The following DCLK2 variants were observed in gnomAD, a reference collection of about 807,000 sequenced individuals.
DCLK2 encodes serine/threonine-protein kinase DCLK2.
Under a neutral mutation model 78.4 loss-of-function variants are expected in DCLK2, and 31 were observed. The observed-to-expected ratio is 0.40, with a 90% CI of 0.30 to 0.53. The LOEUF (loss-of-function observed/expected upper bound fraction) is 0.53, where lower values mean the gene tolerates loss of function less well. Ranked by LOEUF, DCLK2 falls within the 20% of genes least tolerant of loss-of-function variation. The probability of loss-of-function intolerance (pLI) is 0.61; values close to 1 mark genes in which losing one functional copy is unlikely to be tolerated. For missense variants in DCLK2, 872 were observed against 973.7 expected (o/e 0.90, Z 1.39); for synonymous variants, 407 against 374.9 (o/e 1.09, Z -0.99).
chr4:150,098,390 C>T (rs1730616154), intron 1 of DCLK2, among the ~76,000 whole-genome samples: 1 of 152,198 alleles, frequency 6.6e-6, no homozygotes, highest in African/African-American at 2.4e-5. Flanking sequence ...TGGCTTGACT[C>T]TGAGTGACAG....
In DCLK2 at chr4:150,088,869, C is replaced by T. The variant is rs145917617; in HGVS notation, c.421+9421C>T. Among the ~76,000 whole-genome samples the T allele has an allele frequency of 2.0e-4, 31 of 152,288 alleles. 1 individual carries two copies. In the East Asian group the frequency reaches 6.0e-3, roughly 29 times the overall value. The stretch of plus-strand genomic sequence containing the variant: ...ATTTTCTGTGCATGCCCAGTTCCCC[C>T]ACGAAAGCACACTCACAAGGAGTAA... On this transcript the variant is annotated intron_variant, in intron 1 of 15. Transcript: ENST00000296550.
chr4:150,237,582 C>T (rs923931435), intron 10 of DCLK2, among the ~76,000 whole-genome samples: 1 of 152,154 alleles, frequency 6.6e-6, no homozygotes, highest in African/African-American at 2.4e-5. Context: ...TATTTCAGTG[C>T]CGTCCTCTTT....
intron 8 of DCLK2, among the ~76,000 whole-genome samples, chr4:150,228,423 G>GTGAT (rs1277836151): frequency 6.6e-6 from 1 of 152,208 alleles, no homozygotes; most frequent in Non-Finnish European, 1.5e-5. Context: ...AGCACAGTGC[G>GTGAT]TGATGTGTCT....
chr4:150,208,118 C>T (rs28713632), intron 5 of DCLK2, among the ~76,000 whole-genome samples: 15,789 of 152,166 alleles, frequency 0.1, 1,407 homozygotes, highest in South Asian at 0.47. Flanking sequence ...TTTCCCTGAA[C>T]TGACTTAACA....
At chr4:150,171,346 T>C (rs997284821) in intron 2 of DCLK2, among the ~76,000 whole-genome samples, 1 of 152,124 alleles carries the variant, frequency 6.6e-6, no homozygotes, top group South Asian at 2.1e-4. Context: ...CTGGGCGTGG[T>C]AGTGGAAACC....
chr4:150,079,592 T>G (rs1729092351), intron 1 of DCLK2, 144 bp downstream of exon 1: 6 of 808,652 alleles, frequency 7.4e-6, no homozygotes, highest in Non-Finnish European at 9.1e-6. Context: ...AGAGATTGGC[T>G]GGGGGTGGGG....
chr4:150,198,352 G>T (rs985484222), intron 4 of DCLK2, among the ~76,000 whole-genome samples: 1 of 152,148 alleles, frequency 6.6e-6, no homozygotes, highest in African/African-American at 2.4e-5. Flanking sequence ...TCTAGATTCT[G>T]CTGGTATTTA....
intron 1 of DCLK2, among the ~76,000 whole-genome samples, chr4:150,096,597 A>G (rs1730479996): frequency 6.6e-6 from 1 of 152,160 alleles, no homozygotes; most frequent in African/African-American, 2.4e-5. Context: ...TGTGAGGTAA[A>G]GGTAAGGGAG....
rs753258438 is a variant in DCLK2 at position 150,256,191 on chromosome 4, C to T, written c.2245C>T (p.Pro749Ser). ...TCCGGAATCTCCCACCCCCCACCCT[C>T]CTCCCGCTGCCCCGGGTGGTGAGCG... ...TPPESPTPHP[P>S]PAAPGGERAG... Residue 749 changes from proline (P) to serine (S), a missense_variant, in exon 16 of 16, where the codon CCT becomes TCT. Pro to Ser is a moderately conservative substitution (Grantham distance 74). Coordinates refer to ENST00000296550, the MANE Select transcript of DCLK2 (RefSeq NM_001040260.4). 6.5e-7 allele frequency: 1 copy of T among 1,539,026 alleles called. No individual in the cohort carries two copies. The highest frequency in any genetic ancestry group is 8.7e-7 in the Non-Finnish European group (1 of 1,143,670).
At chr4:150,107,685 G>A (rs891866982) in intron 2 of DCLK2, among the ~76,000 whole-genome samples, 1 of 152,100 alleles carries the variant, frequency 6.6e-6, no homozygotes. Flanking sequence ...CCAGTTTGTT[G>A]TCTTTATTGT....
chr4:150,236,185 C>T (rs924906895), intron 10 of DCLK2, among the ~76,000 whole-genome samples: 1 of 152,214 alleles, frequency 6.6e-6, no homozygotes, highest in African/African-American at 2.4e-5. Flanking sequence ...ACAGAAGCAT[C>T]TCACAGCTTG....
chr4:150,210,293 C>T (rs529126020), intron 5 of DCLK2, among the ~76,000 whole-genome samples: 22 of 152,254 alleles, frequency 1.4e-4, no homozygotes, highest in African/African-American at 4.8e-4. Flanking sequence ...CTTGGCATTT[C>T]CAGGTTCCAT....
intron 2 of DCLK2, among the ~76,000 whole-genome samples, chr4:150,179,261 C>G (rs1213003494): frequency 2.0e-5 from 3 of 152,124 alleles, no homozygotes; most frequent in African/African-American, 7.2e-5. Context: ...ATCTCCTAAC[C>G]TCATGATTCA....
intron 2 of DCLK2, among the ~76,000 whole-genome samples, chr4:150,103,901 G>A (rs1403510235): frequency 2.0e-5 from 3 of 152,084 alleles, no homozygotes. Context: ...CCCCAAATAT[G>A]TGTGAATGAT....
rs980533361 is a variant in DCLK2, at chr4:150,256,436, C to T, written c.*189C>T. 87 of 724,896 alleles carry T rather than the reference C, an allele frequency of 1.2e-4. No homozygotes were observed. The South Asian group carries it at 1.9e-3, about 16-fold the overall frequency. 44.9% of individuals were successfully genotyped at this position (724,896 alleles called of 1,614,324 possible). ...CCTGGCCTGGTGCTCTGGGCTCTGC[C>T]TTCTGGTTCCTGGAGGCATCAAAGG... On this transcript the variant is annotated 3_prime_UTR_variant, in exon 16 of 16. Coordinates refer to ENST00000296550, the MANE Select transcript of DCLK2 (RefSeq NM_001040260.4).
At chr4:150,211,614 CT>C (rs1283975915) in intron 5 of DCLK2, among the ~76,000 whole-genome samples, 1 of 152,170 alleles carries the variant, frequency 6.6e-6, no homozygotes, top group African/African-American at 2.4e-5. Context: ...TGTCCATCCT[CT>C]TTTTTGAGGG....
intron 8 of DCLK2, among the ~76,000 whole-genome samples, chr4:150,227,177 A>T (rs1741685311): frequency 6.6e-6 from 1 of 152,168 alleles, no homozygotes; most frequent in Non-Finnish European, 1.5e-5. Flanking sequence ...ACATTGGCTG[A>T]TCTACTGTGT....
At chr4:150,196,024 G>A (rs1387209664) in intron 3 of DCLK2, among the ~76,000 whole-genome samples, 1 of 152,102 alleles carries the variant, frequency 6.6e-6, no homozygotes, top group Non-Finnish European at 1.5e-5. Context: ...GCAAGTCTCA[G>A]ACCTAATTCT....
At chr4:150,226,725 A>G (rs1179102574) in intron 8 of DCLK2, among the ~76,000 whole-genome samples, 2 of 152,316 alleles carry the variant, frequency 1.3e-5, no homozygotes, top group East Asian at 3.9e-4. Flanking sequence ...ATAATGCATG[A>G]TCAAATATTT....
Sources: gnomAD v4.1 joint callset for allele counts (sites outside exome capture counted in the v4.1 genomes callset) on GRCh38, gnomAD v4.1.1 for gene constraint, MANE v1.5 for transcripts, NCBI Gene and HGNC (gene_info 2026-07-23, HGNC 2026-07-21) for gene names.